The following SULT1B1 variants were observed in gnomAD, a reference collection of about 807,000 sequenced individuals.
SULT1B1 encodes sulfotransferase 1B1.
A neutral mutation model predicts 34.6 loss-of-function variants in SULT1B1; 28 were observed. That is an observed-to-expected ratio of 0.81 (90% CI 0.60 to 1.11). The LOEUF (loss-of-function observed/expected upper bound fraction) is 1.11, where lower values mean the gene tolerates loss of function less well. SULT1B1 is among the 50% of genes least tolerant of loss of function. The probability of loss-of-function intolerance (pLI) is 0.00; values close to 1 mark genes in which losing one functional copy is unlikely to be tolerated. For missense variants in SULT1B1, 374 were observed against 352.2 expected, an observed-to-expected ratio of 1.06 and a Z score of -0.50; for synonymous variants, 147 against 110.2, an observed-to-expected ratio of 1.33 and a Z score of -2.09.
chr4:69,734,044 G>A, intron 5 of SULT1B1, 94 bp downstream of exon 5: 1 of 1,075,578 alleles, frequency 9.3e-7, no homozygotes, highest in Non-Finnish European at 1.3e-6. Flanking sequence ...TCACTAGATT[G>A]GAAAAATAAG....
At chr4:69,739,286 A>G (rs1011878890) in intron 4 of SULT1B1, among the ~76,000 whole-genome samples, 13 of 152,118 alleles carry the variant, frequency 8.5e-5, no homozygotes, top group Admixed American at 3.9e-4. Flanking sequence ...TCTCCATGAG[A>G]GCTCCGCCCA....
chr4:69,758,294 C>T (rs1033199270), intron 1 of SULT1B1: 1 of 984,916 alleles, frequency 1.0e-6, no homozygotes, highest in Non-Finnish European at 1.2e-6. Context: ...ATGAGATTTC[C>T]ACTTCTCACC....
chr4:69,731,975 C>A (rs1718096907), intron 6 of SULT1B1, among the ~76,000 whole-genome samples: 1 of 152,150 alleles, frequency 6.6e-6, no homozygotes, highest in Admixed American at 6.5e-5. Context: ...TAAAATTGTT[C>A]TTTTCATAAA....
intron 4 of SULT1B1, among the ~76,000 whole-genome samples, chr4:69,734,718 T>C (rs1184149142): frequency 6.6e-6 from 1 of 151,362 alleles, no homozygotes. Flanking sequence ...CTGATAAAAA[T>C]ATATAGAAAG....
chr4:69,734,018 T>TA, intron 5 of SULT1B1, 120 bp downstream of exon 5: 1 of 864,848 alleles, frequency 1.2e-6, no homozygotes, highest in East Asian at 3.2e-5. Context: ...TTTTAGATAA[T>TA]ATTTGAACAT....
At chr4:69,756,142 T>C (rs1053828502) in intron 1 of SULT1B1, among the ~76,000 whole-genome samples, 1 of 152,202 alleles carries the variant, frequency 6.6e-6, no homozygotes, top group African/African-American at 2.4e-5. Context: ...TATGTTTATT[T>C]TTTTGTTCTC....
rs1055781295 is a variant in SULT1B1 at position 69,726,690 on chromosome 4, G to A, written c.*398C>T. The A allele has an allele frequency of 2.0e-5, 3 of 152,906 alleles. No homozygotes were observed. Among genetic ancestry groups the A allele is most frequent in the African/African-American group, 7.2e-5 (3 of 41,438 alleles). 9.5% of individuals were successfully genotyped at this position (152,906 alleles called of 1,614,324 possible). ...TTCGGCAAAGGGAAATTGGGGCAGAGTTAGGAAATATAGTCTCATTATGAA... is the reference window on the plus strand; with the variant it reads ...TTCGGCAAAGGGAAATTGGGGCAGAATTAGGAAATATAGTCTCATTATGAA... On this transcript the variant is annotated 3_prime_UTR_variant, in exon 8 of 8. Coordinates refer to ENST00000310613, the MANE Select transcript of SULT1B1 (RefSeq NM_014465.4).
At position 69,724,054 on chromosome 4, in the gene SULT1B1, G is replaced by T. The variant is rs1034493896; in HGVS notation, c.*3034C>A. 1 of 152,170 alleles carries T rather than the reference G, an allele frequency of 6.6e-6. No homozygotes were observed. The highest frequency in any genetic ancestry group is 1.5e-5 in the Non-Finnish European group (1 of 68,050). 9.4% of individuals were successfully genotyped at this position (152,170 alleles called of 1,614,324 possible). ...ATCAGGCAGGAGAAAGAAATAAAGG[G>T]TATTCAATTAGGAGAAGAGGAAGTC... On this transcript the variant is annotated 3_prime_UTR_variant, in exon 8 of 8. Transcript: ENST00000310613.
At position 69,730,487 on chromosome 4, in the gene SULT1B1, A is replaced by T. The variant is rs1718030725; in HGVS notation, c.778+14T>A. ...AAAGTACGAAAGGGAAATTAAACCC[A>T]GCAAAGTATTTACCTTTACGCATAA... On this transcript the variant is annotated intron_variant, in intron 7 of 7. Coordinates refer to ENST00000310613, the MANE Select transcript of SULT1B1 (RefSeq NM_014465.4). 4.4e-6 allele frequency: 7 copies of T among 1,584,630 alleles called. No homozygotes were observed. The African/African-American group carries it at 6.7e-5, about 15-fold the overall frequency.
Position 69,723,113 on chromosome 4 carries a change from A to G in SULT1B1, c.*3975T>C, listed in dbSNP as rs2110013253. The stretch of plus-strand genomic sequence containing the variant: ...TTTTTCGAAAAGATCAACAAAATTG[A>G]TAGACCACCAGCAAGACTAATAAAG... On this transcript the variant is annotated 3_prime_UTR_variant, in exon 8 of 8. Coordinates refer to ENST00000310613, the MANE Select transcript of SULT1B1 (RefSeq NM_014465.4). 6.6e-6 allele frequency: 1 copy of G among 152,284 alleles called. No individual in the cohort carries two copies. Among genetic ancestry groups the G allele is most frequent in the East Asian group, 1.9e-4 (1 of 5,176 alleles). 9.4% of individuals were successfully genotyped at this position (152,284 alleles called of 1,614,324 possible).
chr4:69,758,798 C>T (rs1719286706), intron 1 of SULT1B1, among the ~76,000 whole-genome samples: 1 of 152,044 alleles, frequency 6.6e-6, no homozygotes, highest in Non-Finnish European at 1.5e-5. Flanking sequence ...TCATCCTTTG[C>T]CTTTTCTTTA....
intron 3 of SULT1B1, among the ~76,000 whole-genome samples, chr4:69,750,333 C>T (rs1718932122): frequency 6.6e-6 from 1 of 152,030 alleles, no homozygotes; most frequent in African/African-American, 2.4e-5. Context: ...CTATATGTGT[C>T]ATATGTCTCT....
intron 7 of SULT1B1, among the ~76,000 whole-genome samples, chr4:69,729,005 T>C (rs1017093584): frequency 1.3e-5 from 2 of 152,022 alleles, no homozygotes; most frequent in Admixed American, 6.6e-5. Flanking sequence ...GGAGAAGCCA[T>C]AGAATCCAGA....
chr4:69,723,347 G>C lies in SULT1B1; in HGVS notation c.*3741C>G, dbSNP rs1429550701. 1 of 152,142 alleles carries C rather than the reference G, an allele frequency of 6.6e-6. No individual in the cohort carries two copies. Among genetic ancestry groups the C allele is most frequent in the African/African-American group, 2.4e-5 (1 of 41,432 alleles). 9.4% of individuals were successfully genotyped at this position (152,142 alleles called of 1,614,324 possible). A position where few individuals can be genotyped will look rare whatever the true frequency, so the allele number is the denominator to read the frequency against. ...CAGGAAGAAGTTGAATCTCTGAATA[G>C]AAAAATAACATGCTCTGAAATAGAG... is the stretch of plus-strand genomic sequence containing the variant. On this transcript the variant is annotated 3_prime_UTR_variant, in exon 8 of 8. Coordinates refer to ENST00000310613, the MANE Select transcript of SULT1B1 (RefSeq NM_014465.4).
chr4:69,729,618 C>T (rs566927728), intron 7 of SULT1B1, among the ~76,000 whole-genome samples: 46 of 152,086 alleles, frequency 3.0e-4, no homozygotes, highest in African/African-American at 1.1e-3. Flanking sequence ...GGACTATTTG[C>T]TACCTTAATA....
chr4:69,737,290 G>T (rs1169311740), intron 4 of SULT1B1, among the ~76,000 whole-genome samples: 2 of 151,996 alleles, frequency 1.3e-5, no homozygotes, highest in Non-Finnish European at 2.9e-5. Context: ...GACATTCTCA[G>T]AAAAAGGAAA....
intron 4 of SULT1B1, among the ~76,000 whole-genome samples, chr4:69,735,728 G>A (rs1304675652): frequency 6.6e-6 from 1 of 152,102 alleles, no homozygotes; most frequent in African/African-American, 2.4e-5. Context: ...TGAATCAAAT[G>A]TTAAGTTATC....
chr4:69,728,826 T>C lies in SULT1B1; in HGVS notation c.779-1626A>G, dbSNP rs924540423. 3.3e-5 allele frequency among the ~76,000 whole-genome samples: 5 copies of C among 152,072 alleles called. No homozygotes were observed. The South Asian group carries it at 1.0e-3, about 31-fold the overall frequency. ...GTTATTATATTATCTATTTTGCCAG[T>C]GATGTAATCAGAGCTTTGGCAGGTT... On this transcript the variant is annotated intron_variant, in intron 7 of 7. Transcript: ENST00000310613.
intron 6 of SULT1B1, among the ~76,000 whole-genome samples, chr4:69,730,920 G>A (rs1403375501): frequency 6.6e-6 from 1 of 152,146 alleles, no homozygotes; most frequent in African/African-American, 2.4e-5. Flanking sequence ...AACTTAAGGT[G>A]TGTCAGTGGT....
Sources: allele counts gnomAD v4.1 joint callset (sites outside exome capture counted in the v4.1 genomes callset), GRCh38; gene constraint gnomAD v4.1.1; transcripts MANE v1.5; gene names NCBI Gene and HGNC (gene_info 2026-07-23, HGNC 2026-07-21).